DGKB: variants seen among roughly 807,000 people sequenced by gnomAD.
DGKB encodes diacylglycerol kinase beta, also known as 90 kDa diacylglycerol kinase.
In DGKB, 67 loss-of-function variants were observed where a neutral mutation model predicts 114.3. The ratio of observed to expected loss-of-function variants is 0.59; its 90% CI spans 0.48 to 0.72. The LOEUF (loss-of-function observed/expected upper bound fraction) is 0.72. Ranked by LOEUF, DGKB falls within the 30% of genes least tolerant of loss-of-function variation. The probability of loss-of-function intolerance (pLI) is 0.00; values close to 1 mark genes in which losing one functional copy is unlikely to be tolerated. For missense variants in DGKB, 907 were observed against 975.2 expected (o/e 0.93, Z 0.93); for synonymous variants, 398 against 323.1 (o/e 1.23, Z -2.49).
intron 8 of DGKB, among the ~76,000 whole-genome samples, chr7:14,696,051 A>G (rs968263968): frequency 6.6e-6 from 1 of 152,146 alleles, no homozygotes; most frequent in East Asian, 1.9e-4. Flanking sequence ...CAAATACACT[A>G]GGTATTTGTT....
chr7:14,520,600 T>C (rs1346436482), intron 20 of DGKB, among the ~76,000 whole-genome samples: 3 of 152,070 alleles, frequency 2.0e-5, no homozygotes, highest in Admixed American at 6.6e-5. Context: ...TCAAAGTATA[T>C]TTATTTAATT....
intron 23 of DGKB, among the ~76,000 whole-genome samples, chr7:14,260,219 G>T (rs1318688437): frequency 1.3e-5 from 2 of 152,026 alleles, no homozygotes; most frequent in Non-Finnish European, 2.9e-5. Flanking sequence ...TTTAGGAGGT[G>T]CCAACAGATG....
intron 21 of DGKB, among the ~76,000 whole-genome samples, chr7:14,346,124 CAAA>C: frequency 6.6e-6 from 1 of 151,618 alleles, no homozygotes; most frequent in South Asian, 2.1e-4. Context: ...AGAAATGAAA[CAAA>C]GAAGTTTTTG....
intron 23 of DGKB, among the ~76,000 whole-genome samples, chr7:14,233,776 G>A (rs116433798): frequency 0.015 from 2,244 of 151,950 alleles, 57 homozygotes; most frequent in African/African-American, 0.051. Flanking sequence ...GGGAGTGTGT[G>A]GGGGGTGCAA....
intron 13 of DGKB, among the ~76,000 whole-genome samples, chr7:14,635,529 C>A (rs890727202): frequency 6.6e-6 from 1 of 151,314 alleles, no homozygotes; most frequent in Non-Finnish European, 1.5e-5. Flanking sequence ...ACTATGAAAT[C>A]GAGGAGGAGA....
chr7:14,695,690 G>C (rs1021759711), intron 8 of DGKB, among the ~76,000 whole-genome samples: 1 of 151,590 alleles, frequency 6.6e-6, no homozygotes, highest in Non-Finnish European at 1.5e-5. Context: ...TGTATTTTTA[G>C]TAGACACAGG....
intron 9 of DGKB, among the ~76,000 whole-genome samples, chr7:14,689,206 T>A (rs35902976): frequency 0.059 from 7,238 of 122,720 alleles, 706 homozygotes; most frequent in African/African-American, 0.19. Context: ...CTTATTTTTT[T>A]TTTTTTTTTT....
chr7:14,373,282 A>G (rs993616491), intron 21 of DGKB, among the ~76,000 whole-genome samples: 1 of 152,142 alleles, frequency 6.6e-6, no homozygotes, highest in African/African-American at 2.4e-5. Flanking sequence ...GCTTCCTAAC[A>G]TGTTTAAAAC....
intron 1 of DGKB, among the ~76,000 whole-genome samples, chr7:14,879,740 C>A (rs1853925948): frequency 6.6e-6 from 1 of 152,116 alleles, no homozygotes; most frequent in African/African-American, 2.4e-5. Context: ...GGTAAAATAC[C>A]TCAATGCTGA....
At chr7:14,383,376 G>A (rs1819794094) in intron 21 of DGKB, among the ~76,000 whole-genome samples, 1 of 152,118 alleles carries the variant, frequency 6.6e-6, no homozygotes, top group Admixed American at 6.6e-5. Flanking sequence ...AACTTGTAGA[G>A]TATTGCAATC....
chr7:14,180,888 C>T (rs1190157843), intron 23 of DGKB, among the ~76,000 whole-genome samples: 1 of 152,098 alleles, frequency 6.6e-6, no homozygotes, highest in Non-Finnish European at 1.5e-5. Flanking sequence ...AACAGTTCTC[C>T]TTGGGATGGC....
intron 20 of DGKB, among the ~76,000 whole-genome samples, chr7:14,493,332 T>A (rs1359210022): frequency 6.6e-6 from 1 of 152,046 alleles, no homozygotes; most frequent in Middle Eastern, 3.2e-3. Context: ...TATATGGTTT[T>A]CCCTTACATA....
At chr7:14,769,130 A>AAAGAAAGAAAGAAAGG (rs1836957064) in intron 2 of DGKB, among the ~76,000 whole-genome samples, 1 of 147,994 alleles carries the variant, frequency 6.8e-6, no homozygotes, top group Non-Finnish European at 1.5e-5. Context: ...AGAAAGAGAG[A>AAAGAAAGAAAGAAAGG]GAGAGAAAGA....
At chr7:14,391,142 T>C (rs1171282410) in intron 21 of DGKB, among the ~76,000 whole-genome samples, 1 of 152,226 alleles carries the variant, frequency 6.6e-6, no homozygotes, top group African/African-American at 2.4e-5. Context: ...AATAATAACT[T>C]TACCGATTAT....
intron 20 of DGKB, among the ~76,000 whole-genome samples, chr7:14,524,661 T>C (rs4721344): frequency 0.97 from 147,071 of 151,674 alleles, 71,321 homozygotes; most frequent in East Asian, 1. Context: ...GAGGCTGAGG[T>C]GGTAGAATCT....
intron 21 of DGKB, among the ~76,000 whole-genome samples, chr7:14,442,580 T>C (rs1028595374): frequency 1.3e-5 from 2 of 152,182 alleles, no homozygotes; most frequent in African/African-American, 4.8e-5. Flanking sequence ...ATTAATTTTT[T>C]GGTCTTCCTC....
In DGKB at chr7:14,663,990, C is replaced by T. The variant is rs556824090; in HGVS notation, c.1134+8939G>A. Among the ~76,000 whole-genome samples the T allele has an allele frequency of 5.3e-5, 8 of 152,032 alleles. No homozygotes were observed. The South Asian group carries it at 8.3e-4, about 16-fold the overall frequency. ...CAGCTACAAAGCTGGACTTGAGGTT[C>T]ATGAAATCTTTACACTTGAGGTTCA... is the stretch of plus-strand genomic sequence containing the variant. On this transcript the variant is annotated intron_variant, in intron 13 of 25. Transcript: ENST00000402815.
intron 21 of DGKB, among the ~76,000 whole-genome samples, chr7:14,364,924 G>T (rs1816397424): frequency 1.3e-5 from 2 of 151,858 alleles, no homozygotes; most frequent in Non-Finnish European, 2.9e-5. Context: ...TCATATAGAA[G>T]GTCACCATCT....
intron 23 of DGKB, among the ~76,000 whole-genome samples, chr7:14,330,775 TTTCTAGGA>T: frequency 6.6e-6 from 1 of 152,030 alleles, no homozygotes; most frequent in East Asian, 1.9e-4. Context: ...GCTTTTTAAA[TTTCTAGGA>T]GCTACCAGTG....
Sources: gnomAD v4.1 joint callset for allele counts (sites outside exome capture counted in the v4.1 genomes callset) on GRCh38, gnomAD v4.1.1 for gene constraint, MANE v1.5 for transcripts, NCBI Gene and HGNC (gene_info 2026-07-23, HGNC 2026-07-21) for gene names.